The following TNS3 variants were observed in gnomAD, a reference collection of about 807,000 sequenced individuals.
TNS3 encodes tensin-3.
TNS3 carries 45 observed loss-of-function variants against 140.9 expected under a neutral mutation model. The ratio of observed to expected loss-of-function variants is 0.32; its 90% CI spans 0.25 to 0.41. TNS3 has a LOEUF of 0.41. Among genes scored for constraint, TNS3 ranks in the 10% least tolerant of loss-of-function variants. The probability of loss-of-function intolerance (pLI) is 1.00; values close to 1 mark genes in which losing one functional copy is unlikely to be tolerated. For synonymous variants in TNS3, 815 were observed against 788.4 expected, an observed-to-expected ratio of 1.03 and a Z score of -0.56; for missense variants, 1,716 against 1,906.7, an observed-to-expected ratio of 0.90 and a Z score of 1.86.
chr7:47,422,014 C>T (rs759965683), intron 10 of TNS3, among the ~76,000 whole-genome samples: 1 of 152,212 alleles, frequency 6.6e-6, no homozygotes, highest in African/African-American at 2.4e-5. Context: ...GAGAAGCCTC[C>T]CATCACAGAG....
intron 17 of TNS3, among the ~76,000 whole-genome samples, chr7:47,352,851 G>C (rs747986123): frequency 1.3e-5 from 2 of 152,132 alleles, no homozygotes; most frequent in African/African-American, 2.4e-5. Context: ...GCTGGGTCTC[G>C]AGTGTGCACA....
At position 47,437,258 on chromosome 7, in the gene TNS3, T is replaced by A. The variant is rs200309978; in HGVS notation, c.201+5A>T. On this transcript the variant is annotated splice_donor_5th_base_variant and intron_variant, in intron 7 of 30. Coordinates refer to ENST00000311160, the MANE Select transcript of TNS3 (RefSeq NM_022748.12). ...ATGCAGAATATAAAGGGATGAACTC[T>A]GTACCTTTGGGTTAAGCTTCGTAAG... is the stretch of plus-strand genomic sequence containing the variant. 2 of 1,557,298 alleles carry A rather than the reference T, an allele frequency of 1.3e-6. No homozygotes were observed. The highest frequency in any genetic ancestry group is 2.1e-5 in the Admixed American group (1 of 47,996).
At chr7:47,433,460 G>A (rs562782739) in intron 8 of TNS3, among the ~76,000 whole-genome samples, 14 of 152,162 alleles carry the variant, frequency 9.2e-5, no homozygotes, top group Admixed American at 5.2e-4. Context: ...CCAGAAAGCC[G>A]AAAGTTGCTT....
At chr7:47,419,573 C>T (rs191576767) in intron 10 of TNS3, among the ~76,000 whole-genome samples, 2 of 152,294 alleles carry the variant, frequency 1.3e-5, no homozygotes, top group East Asian at 3.9e-4. Context: ...AAAACTAATG[C>T]AAGACCACCA....
intron 4 of TNS3, among the ~76,000 whole-genome samples, chr7:47,447,859 T>A (rs754685439): frequency 1.2e-4 from 19 of 152,334 alleles, no homozygotes; most frequent in Admixed American, 6.5e-4. Flanking sequence ...ATGAGAACCA[T>A]GCTTTCCACT....
chr7:47,502,580 C>G (rs1798267069), intron 3 of TNS3, among the ~76,000 whole-genome samples: 1 of 152,204 alleles, frequency 6.6e-6, no homozygotes, highest in Non-Finnish European at 1.5e-5. Context: ...GGGCAGCAGG[C>G]GATGAGGGCA....
intron 1 of TNS3, among the ~76,000 whole-genome samples, chr7:47,541,442 C>G (rs138909169): frequency 6.6e-6 from 1 of 152,230 alleles, no homozygotes; most frequent in African/African-American, 2.4e-5. Context: ...CAGTCACCCC[C>G]CAATGAGCCT....
chr7:47,507,384 T>A (rs1238023326), intron 2 of TNS3, among the ~76,000 whole-genome samples: 1 of 152,214 alleles, frequency 6.6e-6, no homozygotes, highest in African/African-American at 2.4e-5. Flanking sequence ...AACTGGAAGA[T>A]GCCCCTTAAG....
At chr7:47,469,701 C>A (rs533872210) in intron 4 of TNS3, among the ~76,000 whole-genome samples, 2 of 152,120 alleles carry the variant, frequency 1.3e-5, no homozygotes, top group South Asian at 4.1e-4. Flanking sequence ...AGGCTGGGCA[C>A]GGTGGCTCAC....
At chr7:47,439,287 G>A (rs964089988) in intron 6 of TNS3, among the ~76,000 whole-genome samples, 200 bp downstream of exon 6, 8 of 152,324 alleles carry the variant, frequency 5.3e-5, no homozygotes, top group African/African-American at 1.9e-4. Context: ...GTCCCTGAAA[G>A]CTACCTACAG....
intron 1 of TNS3, among the ~76,000 whole-genome samples, chr7:47,560,281 G>A (rs1800296211): frequency 6.6e-6 from 1 of 151,950 alleles, no homozygotes; most frequent in Non-Finnish European, 1.5e-5. Context: ...ACCATGTGAG[G>A]GCACATAGAA....
chr7:47,481,234 C>CT, intron 3 of TNS3, 93 bp from the exon 4 acceptor site: 1 of 954,572 alleles, frequency 1.0e-6, no homozygotes, highest in Non-Finnish European at 1.5e-6. Context: ...CTGAATGAAA[C>CT]TGTCTCTAAC....
chr7:47,558,492 A>T (rs1483884802), intron 1 of TNS3, among the ~76,000 whole-genome samples: 2 of 151,586 alleles, frequency 1.3e-5, no homozygotes, highest in Non-Finnish European at 2.9e-5. Flanking sequence ...CGACCCCAGC[A>T]CCTCCCCACC....
intron 4 of TNS3, among the ~76,000 whole-genome samples, chr7:47,476,013 G>T (rs1184739603): frequency 2.0e-5 from 3 of 152,172 alleles, no homozygotes; most frequent in Non-Finnish European, 4.4e-5. Context: ...ACAATGAATG[G>T]CACACAGCAA....
intron 3 of TNS3, among the ~76,000 whole-genome samples, chr7:47,492,037 A>C (rs1242973252): frequency 6.6e-6 from 1 of 152,222 alleles, no homozygotes; most frequent in Non-Finnish European, 1.5e-5. Context: ...CATGTTTAAC[A>C]TACAAGTTAA....
intron 4 of TNS3, among the ~76,000 whole-genome samples, chr7:47,451,215 C>T (rs911049229): frequency 9.9e-5 from 15 of 152,166 alleles, no homozygotes; most frequent in Admixed American, 3.9e-4. Flanking sequence ...CCCTGGGTGT[C>T]CCCAGGGCCT....
chr7:47,346,242 C>A lies in TNS3; in HGVS notation c.2396G>T (p.Gly799Val). 1 of 1,614,208 alleles carries A rather than the reference C, an allele frequency of 6.2e-7. No individual in the cohort carries two copies. Among genetic ancestry groups the A allele is most frequent in the Non-Finnish European group, 8.5e-7 (1 of 1,180,032 alleles). The change falls in exon 18 of 31, where the codon GGT becomes GTT. Residue 799 changes from glycine (G) to valine (V), a missense_variant. Transcript: ENST00000311160. ...PFSKCAWGKA[G>V]VDYAPNLPPF... ...CGGCAGGTTTGGGGCATAGTCCACA[C>A]CAGCCTTTCCCCATGCACATTTGGA...
intron 7 of TNS3, 48 bp downstream of exon 7, chr7:47,437,215 T>A: frequency 7.6e-7 from 1 of 1,318,882 alleles, no homozygotes; most frequent in Admixed American, 2.4e-5. Context: ...AAAATAAGCA[T>A]TGTTTACATT....
chr7:47,383,944 T>G (rs745631446), intron 16 of TNS3, among the ~76,000 whole-genome samples: 1 of 152,172 alleles, frequency 6.6e-6, no homozygotes, highest in South Asian at 2.1e-4. Context: ...ACGCAGGGCC[T>G]CCTGTGAAGT....
Sources: allele counts gnomAD v4.1 joint callset (sites outside exome capture counted in the v4.1 genomes callset), GRCh38; gene constraint gnomAD v4.1.1; transcripts MANE v1.5; gene names NCBI Gene and HGNC (gene_info 2026-07-23, HGNC 2026-07-21).